The following SORD variants were observed in gnomAD, a reference collection of about 807,000 sequenced individuals.
The protein encoded by SORD is sorbitol dehydrogenase.
In SORD, 18 loss-of-function variants were observed where a neutral mutation model predicts 35.6. The observed-to-expected ratio is 0.51, with a 90% CI of 0.35 to 0.75. The LOEUF is 0.75. SORD is among the 30% of genes least tolerant of loss of function. The pLI, the probability that SORD is intolerant of heterozygous loss-of-function variation, is 0.01. For synonymous variants in SORD, 106 were observed against 152.9 expected (o/e 0.69, Z 2.26); for missense variants, 250 against 390.2 (o/e 0.64, Z 3.03).
At chr15:45,071,760 C>T (rs1432161986) in intron 7 of SORD, among the ~76,000 whole-genome samples, 1 of 139,080 alleles carries the variant, frequency 7.2e-6, no homozygotes, top group Non-Finnish European at 1.5e-5. Context: ...TCAAGGAAGA[C>T]AAAACCCATT....
At chr15:45,050,375 C>G (rs1893106577) in intron 3 of SORD, 2 of 152,328 alleles carry the variant, frequency 1.3e-5, no homozygotes, top group Admixed American at 6.5e-5. Context: ...GCCACCGCGC[C>G]TGGCCCTACT....
chr15:45,051,242 T>C (rs1893119215), intron 3 of SORD, among the ~76,000 whole-genome samples: 1 of 152,264 alleles, frequency 6.6e-6, no homozygotes, highest in Non-Finnish European at 1.5e-5. Flanking sequence ...TAATTATGAT[T>C]GATAGCAAAT....
intron 3 of SORD, among the ~76,000 whole-genome samples, chr15:45,056,946 G>A (rs759065565): frequency 2.0e-5 from 3 of 152,180 alleles, no homozygotes; most frequent in Admixed American, 6.5e-5. Flanking sequence ...TGGATCCCAC[G>A]TGTTAAACCA....
At chr15:45,069,112 A>G (rs1175356988) in intron 7 of SORD, 60 bp downstream of exon 7, 2 of 1,203,054 alleles carry the variant, frequency 1.7e-6, no homozygotes, top group African/African-American at 1.6e-5. Flanking sequence ...AGGCAGAAGT[A>G]GGGAGTCAAA....
chr15:45,047,510 T>C (rs973316311), intron 3 of SORD, among the ~76,000 whole-genome samples: 7 of 152,108 alleles, frequency 4.6e-5, no homozygotes, highest in African/African-American at 1.7e-4. Flanking sequence ...CACCATCTTG[T>C]TGGTTTATGG....
chr15:45,023,380 C>T (rs376977526), intron 1 of SORD, 31 bp downstream of exon 1: 6 of 1,521,890 alleles, frequency 3.9e-6, no homozygotes, highest in East Asian at 2.5e-5. Flanking sequence ...GGAAGCATAC[C>T]GATCCTGCCT....
chr15:45,046,609 A>G (rs1401729124), intron 3 of SORD, among the ~76,000 whole-genome samples: 1 of 152,222 alleles, frequency 6.6e-6, no homozygotes. Context: ...TTAGGATACA[A>G]AATTTGGATT....
intron 5 of SORD, among the ~76,000 whole-genome samples, chr15:45,065,795 CTG>C (rs1893395795): frequency 6.6e-6 from 1 of 152,058 alleles, no homozygotes. Flanking sequence ...TAGTGTGTGT[CTG>C]TAGTTCCAGC....
intron 3 of SORD, chr15:45,058,491 A>G (rs1893252768): frequency 6.6e-6 from 1 of 152,228 alleles, no homozygotes; most frequent in Non-Finnish European, 1.5e-5. Context: ...AAAAAAAAAA[A>G]ACTATGGATA....
intron 4 of SORD, among the ~76,000 whole-genome samples, chr15:45,064,541 T>C (rs1452384948): frequency 1.3e-5 from 2 of 152,208 alleles, no homozygotes; most frequent in African/African-American, 4.8e-5. Flanking sequence ...AGAGTGAAGG[T>C]GACACTGCAT....
At chr15:45,069,821 C>G (rs1449326784) in intron 7 of SORD, 2 of 152,034 alleles carry the variant, frequency 1.3e-5, no homozygotes, top group African/African-American at 2.4e-5. Flanking sequence ...GGTGATTTTC[C>G]AGGGTCACAG....
intron 4 of SORD, among the ~76,000 whole-genome samples, chr15:45,062,035 A>C (rs111710416): frequency 0.05 from 6,987 of 140,654 alleles, 184 homozygotes; most frequent in African/African-American, 0.074. Flanking sequence ...CTTTTCTCTG[A>C]TTCAGTTTCA....
chr15:45,055,317 G>T (rs1034168103), intron 3 of SORD, among the ~76,000 whole-genome samples: 1 of 152,058 alleles, frequency 6.6e-6, no homozygotes, highest in Non-Finnish European at 1.5e-5. Context: ...TATCACCACC[G>T]ATCCCACAGA....
At chr15:45,041,185 C>A (rs1489044097) in intron 2 of SORD, among the ~76,000 whole-genome samples, 1 of 152,152 alleles carries the variant, frequency 6.6e-6, no homozygotes, top group Non-Finnish European at 1.5e-5. Context: ...GGATAAAGCC[C>A]AGCCCACCGT....
At chr15:45,057,929 T>C (rs1893243325) in intron 3 of SORD, among the ~76,000 whole-genome samples, 1 of 152,176 alleles carries the variant, frequency 6.6e-6, no homozygotes, top group African/African-American at 2.4e-5. Flanking sequence ...GACAAAAAGG[T>C]CCTTACTAGG....
At chr15:45,042,298 C>G (rs1892979436) in intron 2 of SORD, 1 of 152,026 alleles carries the variant, frequency 6.6e-6, no homozygotes, top group Admixed American at 6.6e-5. Context: ...TCAAGGCCAG[C>G]CTGGCCAACA....
intron 1 of SORD, among the ~76,000 whole-genome samples, chr15:45,025,166 T>G (rs1892650130): frequency 6.6e-6 from 1 of 152,072 alleles, no homozygotes; most frequent in Non-Finnish European, 1.5e-5. Flanking sequence ...ATCTAGAAAA[T>G]ATGATGGGCT....
chr15:45,066,117 C>A (rs1375204977), intron 5 of SORD, among the ~76,000 whole-genome samples: 1 of 150,594 alleles, frequency 6.6e-6, no homozygotes, highest in African/African-American at 2.4e-5. Flanking sequence ...GGTGGTGCAC[C>A]CCCTGTAGTC....
chr15:45,046,288 G>T (rs1893044520), intron 3 of SORD, among the ~76,000 whole-genome samples: 1 of 152,148 alleles, frequency 6.6e-6, no homozygotes, highest in Non-Finnish European at 1.5e-5. Flanking sequence ...TGTTGTCCAG[G>T]CTGGAGTGTA....
Sources: gnomAD v4.1 joint callset for allele counts (sites outside exome capture counted in the v4.1 genomes callset) on GRCh38, gnomAD v4.1.1 for gene constraint, MANE v1.5 for transcripts, NCBI Gene and HGNC (gene_info 2026-07-23, HGNC 2026-07-21) for gene names.